The following SOX5 variants were observed in gnomAD, a reference collection of about 807,000 sequenced individuals.
SOX5 encodes SRY-box transcription factor 5.
Under a neutral mutation model 92.0 loss-of-function variants are expected in SOX5, and 9 were observed. That is an observed-to-expected ratio of 0.10 (90% CI 0.06 to 0.17). SOX5 has a LOEUF of 0.17. SOX5 is among the 10% of genes least tolerant of loss of function. SOX5 has a pLI of 1.00. For synonymous variants in SOX5, 344 were observed against 336.3 expected (o/e 1.02, Z -0.25); for missense variants, 642 against 944.5 (o/e 0.68, Z 4.20).
intron 3 of SOX5, among the ~76,000 whole-genome samples, chr12:24,249,667 G>A (rs897674040): frequency 1.3e-5 from 2 of 152,184 alleles, no homozygotes; most frequent in African/African-American, 4.8e-5. Context: ...CAAAGAGGGT[G>A]AGATCCCAGG....
chr12:24,375,139 A>T (rs899454259), intron 1 of SOX5, among the ~76,000 whole-genome samples: 2 of 151,396 alleles, frequency 1.3e-5, no homozygotes, highest in Non-Finnish European at 2.9e-5. Flanking sequence ...CGCCCAGCTA[A>T]TTTTTTTGTA....
At chr12:23,696,568 C>G (rs1489722983) in intron 6 of SOX5, among the ~76,000 whole-genome samples, 1 of 151,980 alleles carries the variant, frequency 6.6e-6, no homozygotes, top group Non-Finnish European at 1.5e-5. Flanking sequence ...ATAAACTTTT[C>G]AATACACTTT....
intron 1 of SOX5, among the ~76,000 whole-genome samples, chr12:24,441,612 G>A (rs1287921400): frequency 6.6e-6 from 1 of 152,076 alleles, no homozygotes; most frequent in Non-Finnish European, 1.5e-5. Context: ...ACAAGTTCAT[G>A]GTAAGTTCAG....
rs530851394 is a variant in SOX5, at chr12:23,891,442, C to T, written c.270+4351G>A. Among the ~76,000 whole-genome samples, 57 of 152,278 alleles carry T rather than the reference C, an allele frequency of 3.7e-4. No homozygotes were observed. The South Asian group carries it at 0.011, about 29-fold the overall frequency. Reference sequence around the variant, plus strand: ...TCCAACTTAAGTTTTATACTGAAAGCATTTCTCCATAACTTCAAGCCAGCA... The same window carrying T: ...TCCAACTTAAGTTTTATACTGAAAGTATTTCTCCATAACTTCAAGCCAGCA... On this transcript the variant is annotated intron_variant, in intron 2 of 14. Coordinates refer to ENST00000451604, the MANE Select transcript of SOX5 (RefSeq NM_006940.6).
At chr12:23,863,828 A>G (rs1374797132) in intron 2 of SOX5, among the ~76,000 whole-genome samples, 1 of 121,510 alleles carries the variant, frequency 8.2e-6, no homozygotes, top group African/African-American at 2.9e-5. Flanking sequence ...ACACACACAC[A>G]CACACACACA....
rs187756781 is a variant in SOX5 at position 24,177,639 on chromosome 12, G to A, written c.-2+35704C>T. 6.3e-3 allele frequency among the ~76,000 whole-genome samples: 957 copies of A among 152,300 alleles called. 4 individuals carry two copies. Among genetic ancestry groups the A allele is most frequent in the Non-Finnish European group, 9.8e-3 (667 of 68,034 alleles). The stretch of plus-strand genomic sequence containing the variant: ...TCTCCCATAAGTATATTCTGTGGGA[G>A]ACTCTTCAGATAGTGCTCATATAGA... On this transcript the variant is annotated intron_variant, in intron 4 of 4. Coordinates refer to the SOX5 transcript ENST00000446891.
chr12:24,381,205 CCAAAACAA>C (rs1392396317), intron 1 of SOX5, among the ~76,000 whole-genome samples: 19 of 152,214 alleles, frequency 1.2e-4, no homozygotes, highest in African/African-American at 4.6e-4. Flanking sequence ...CAACGAAAAA[CCAAAACAA>C]CAAAACAATA....
At chr12:24,165,259 A>G (rs562975966) in intron 4 of SOX5, among the ~76,000 whole-genome samples, 95 of 152,272 alleles carry the variant, frequency 6.2e-4, no homozygotes, top group African/African-American at 2.0e-3. Context: ...AGTGCCTAGT[A>G]TGTATAAAGC....
chr12:24,272,264 CTATAT>C (rs1206649680), intron 3 of SOX5, among the ~76,000 whole-genome samples: 1 of 152,104 alleles, frequency 6.6e-6, no homozygotes, highest in Non-Finnish European at 1.5e-5. Flanking sequence ...GTACATTATA[CTATAT>C]TATATGCATC....
intron 3 of SOX5, among the ~76,000 whole-genome samples, chr12:24,273,423 T>C (rs77767292): frequency 0.012 from 1,895 of 152,336 alleles, 38 homozygotes; most frequent in African/African-American, 0.044. Context: ...ATTTTGGCAT[T>C]ATATTTTTCT....
At chr12:23,843,721 G>C (rs981177400) in intron 3 of SOX5, among the ~76,000 whole-genome samples, 4 of 151,572 alleles carry the variant, frequency 2.6e-5, no homozygotes, top group Non-Finnish European at 4.4e-5. Context: ...ACACCACCAT[G>C]CCTGCCTAAT....
At chr12:23,903,229 T>G (rs11047154) in intron 1 of SOX5, among the ~76,000 whole-genome samples, 14,823 of 152,106 alleles carry the variant, frequency 0.097, 1,589 homozygotes, top group East Asian at 0.53. Flanking sequence ...ATAGATGATA[T>G]CTCACTAATC....
At chr12:24,263,417 G>T (rs1196120732) in intron 3 of SOX5, among the ~76,000 whole-genome samples, 4 of 150,424 alleles carry the variant, frequency 2.7e-5, no homozygotes, top group African/African-American at 9.7e-5. Flanking sequence ...AGTCCCAGCT[G>T]CTCGGGAGGC....
chr12:24,397,889 A>G (rs981518103), intron 1 of SOX5, among the ~76,000 whole-genome samples: 1 of 151,938 alleles, frequency 6.6e-6, no homozygotes, highest in African/African-American at 2.4e-5. Flanking sequence ...TTGCTGTGTC[A>G]CCCAGGCTGG....
intron 1 of SOX5, among the ~76,000 whole-genome samples, chr12:23,896,582 T>G (rs963614642): frequency 2.0e-5 from 3 of 152,102 alleles, no homozygotes; most frequent in African/African-American, 7.2e-5. Flanking sequence ...TAATATTTGT[T>G]TAAAGCTTAT....
At chr12:23,737,723 T>C (rs187601484) in intron 5 of SOX5, among the ~76,000 whole-genome samples, 12 of 150,278 alleles carry the variant, frequency 8.0e-5, no homozygotes, top group Non-Finnish European at 4.4e-5. Context: ...CATTCCTAAC[T>C]GCCTCTTGTA....
At chr12:23,899,396 G>A (rs1212353836) in intron 1 of SOX5, among the ~76,000 whole-genome samples, 6 of 143,322 alleles carry the variant, frequency 4.2e-5, no homozygotes, top group Non-Finnish European at 7.5e-5. Flanking sequence ...GCAAAACTCC[G>A]TCTGAAAAAA....
chr12:23,663,685 A>T (rs932959181), intron 7 of SOX5, among the ~76,000 whole-genome samples: 1 of 152,194 alleles, frequency 6.6e-6, no homozygotes, highest in South Asian at 2.1e-4. Flanking sequence ...TAATGTGAAC[A>T]GTAATTCTTG....
intron 6 of SOX5, among the ~76,000 whole-genome samples, chr12:23,706,708 T>C (rs528486273): frequency 1.3e-5 from 2 of 152,192 alleles, no homozygotes; most frequent in South Asian, 4.2e-4. Context: ...AGTATTTTAA[T>C]GTATCCTGCT....
Sources: allele counts gnomAD v4.1 joint callset (sites outside exome capture counted in the v4.1 genomes callset), GRCh38; gene constraint gnomAD v4.1.1; transcripts MANE v1.5; gene names NCBI Gene and HGNC (gene_info 2026-07-23, HGNC 2026-07-21).